LNX1: variants seen among roughly 807,000 people sequenced by gnomAD.
The protein encoded by LNX1 is ligand of numb-protein X 1, also known as E3 ubiquitin-protein ligase LNX.
A neutral mutation model predicts 68.4 loss-of-function variants in LNX1; 54 were observed. That is an observed-to-expected ratio of 0.79 (90% CI 0.63 to 0.99). LNX1 has a LOEUF of 0.99. LNX1 is among the 50% of genes least tolerant of loss of function. The pLI is 0.00. For missense variants in LNX1, 906 were observed against 926.4 expected (o/e 0.98, Z 0.29); for synonymous variants, 336 against 350.0 (o/e 0.96, Z 0.45).
chr4:53,507,589 T>C (rs917392967), intron 3 of LNX1, 120 bp from the exon 4 acceptor site: 7 of 1,131,898 alleles, frequency 6.2e-6, no homozygotes, highest in African/African-American at 1.6e-5. Flanking sequence ...GGTGGTAGGA[T>C]TGTAGAATTT....
At chr4:53,511,845 G>A (rs903618798) in intron 2 of LNX1, among the ~76,000 whole-genome samples, 19 of 152,152 alleles carry the variant, frequency 1.2e-4, no homozygotes, top group Non-Finnish European at 1.9e-4. Context: ...CGTGATCTGG[G>A]TTCCCATGAA....
intron 6 of LNX1, among the ~76,000 whole-genome samples, chr4:53,482,830 C>T (rs539556393): frequency 3.3e-5 from 5 of 152,266 alleles, no homozygotes; most frequent in Admixed American, 2.0e-4. Flanking sequence ...CCAAAAACCA[C>T]GTGTATTCCT....
At chr4:53,465,459 G>A (rs565340066) in intron 9 of LNX1, among the ~76,000 whole-genome samples, 13 of 152,188 alleles carry the variant, frequency 8.5e-5, no homozygotes, top group South Asian at 6.2e-4. Context: ...CTGACATCAC[G>A]GCAAAATTTT....
rs182653510 is a variant in LNX1 at position 53,465,114 on chromosome 4, A to C, written c.1893-3521T>G. ...CCTTTGATGTTATTGGCCATTGAAA[A>C]ACATCTTGCATTTTTTTCCTTGCAG... On this transcript the variant is annotated intron_variant, in intron 9 of 10. Transcript: ENST00000263925. Among the ~76,000 whole-genome samples, 3 of 152,280 alleles carry C rather than the reference A, an allele frequency of 2.0e-5. No homozygotes were observed. The East Asian group carries it at 5.8e-4, about 29-fold the overall frequency.
Position 53,459,377 on chromosome 4 carries a change from C to T in LNX1, c.*1530G>A. 3 of 1,598,330 alleles carry T rather than the reference C, an allele frequency of 1.9e-6. No homozygotes were observed. Among genetic ancestry groups the T allele is most frequent in the Non-Finnish European group, 2.6e-6 (3 of 1,176,244 alleles). On this transcript the variant is annotated 3_prime_UTR_variant, in exon 11 of 11. Transcript: ENST00000263925. ...ACAAACACAAAAAATCTAAAAGAAGCAAAGAAGGAAAAGAAGCGGGCAGTG... is the reference window on the plus strand; with the variant it reads ...ACAAACACAAAAAATCTAAAAGAAGTAAAGAAGGAAAAGAAGCGGGCAGTG...
chr4:53,569,756 C>G (rs1408903522), intron 2 of LNX1, among the ~76,000 whole-genome samples: 2 of 140,224 alleles, frequency 1.4e-5, no homozygotes, highest in Non-Finnish European at 3.1e-5. Context: ...ATTTTTGCAA[C>G]CTACTCATCT....
chr4:53,475,375 G>A lies in LNX1; in HGVS notation c.1892+1378C>T, dbSNP rs1261728387. ...CTAAAGGGTTTTAAACTGACTCAAC[G>A]CTCAGATTTTAACTGTTTAAGGACT... On this transcript the variant is annotated intron_variant, in intron 9 of 10. Coordinates refer to ENST00000263925, the MANE Select transcript of LNX1 (RefSeq NM_001126328.3). Among the ~76,000 whole-genome samples the A allele has an allele frequency of 3.3e-5, 5 of 152,110 alleles. No individual in the cohort carries two copies. In the South Asian group the frequency reaches 6.2e-4, roughly 19 times the overall value.
intron 1 of LNX1, chr4:53,576,035 C>T: frequency 1.9e-6 from 3 of 1,567,824 alleles, no homozygotes; most frequent in Non-Finnish European, 2.6e-6. Flanking sequence ...AAGCCCAACA[C>T]CTTCAGGGAC....
At chr4:53,492,648 C>T (rs1724780183) in intron 6 of LNX1, among the ~76,000 whole-genome samples, 2 of 152,020 alleles carry the variant, frequency 1.3e-5, no homozygotes, top group African/African-American at 4.8e-5. Context: ...AGCAAAGAGG[C>T]TCCAGCCGTC....
intron 1 of LNX1, among the ~76,000 whole-genome samples, chr4:53,587,977 C>T (rs1732279483): frequency 6.6e-6 from 1 of 152,202 alleles, no homozygotes. Flanking sequence ...TTTTTTTGCT[C>T]AGTCTTTGGC....
rs772611948 is a variant in LNX1 at position 53,508,046 on chromosome 4, C to T, written c.562G>A (p.Ala188Thr). 1 of 1,614,108 alleles carries T rather than the reference C, an allele frequency of 6.2e-7. No individual in the cohort carries two copies. ...CTGATTGCTGGCTGCCCGTCCTCTG[C>T]CGAGGACACGTAGGCAGGGTTGTCT... ...GLDNPAYVSSAEDGQPAISPV... is the reference protein window; with the variant it reads ...GLDNPAYVSSTEDGQPAISPV... Residue 188 changes from alanine (A) to threonine (T), a missense_variant, in exon 3 of 11, where the codon GCA (alanine) becomes ACA (threonine). By Grantham distance (58) the Ala-to-Thr change is moderately conservative (BLOSUM62 0). Transcript: ENST00000263925.
chr4:53,628,213 A>G (rs1237113294), intron 1 of LNX1, among the ~76,000 whole-genome samples: 2 of 152,202 alleles, frequency 1.3e-5, no homozygotes, highest in African/African-American at 2.4e-5. Context: ...CAGACAACCC[A>G]CAGAATAGGA....
At chr4:53,623,676 G>A (rs112215225) in intron 1 of LNX1, among the ~76,000 whole-genome samples, 2 of 149,968 alleles carry the variant, frequency 1.3e-5, no homozygotes, top group African/African-American at 4.9e-5. Context: ...ATATGGCTAT[G>A]TTTTATTTTT....
intron 2 of LNX1, among the ~76,000 whole-genome samples, chr4:53,599,660 G>A (rs1577780724): frequency 6.6e-6 from 1 of 152,110 alleles, no homozygotes; most frequent in South Asian, 2.1e-4. Context: ...AGTGCCAGTT[G>A]ACTATAGAGC....
intron 2 of LNX1, among the ~76,000 whole-genome samples, chr4:53,601,472 C>T (rs1247806091): frequency 1.1e-4 from 16 of 152,206 alleles, no homozygotes; most frequent in East Asian, 1.9e-4. Flanking sequence ...TGTCTTGCCA[C>T]GATGGCCAGT....
At chr4:53,491,412 C>T (rs1724668763) in intron 6 of LNX1, among the ~76,000 whole-genome samples, 1 of 152,178 alleles carries the variant, frequency 6.6e-6, no homozygotes, top group Non-Finnish European at 1.5e-5. Context: ...TGCCACCTGC[C>T]TAATGCTGAC....
chr4:53,478,655 C>A lies in LNX1; in HGVS notation c.1573G>T (p.Gly525Ter). ...AAATCCCATTCTCTATGTGATGCTCCCCCTGCGACGGTCATGCCGAGAGAT... is the reference window on the plus strand; with the variant it reads ...AAATCCCATTCTCTATGTGATGCTCACCCTGCGACGGTCATGCCGAGAGAT... ...GESLGMTVAG[G>*]ASHREWDLPI... is the part of the protein sequence containing the mutation. The change falls in exon 8 of 11, where the codon GGA becomes TGA. Residue 525 changes from glycine to a stop codon, truncating the protein, a stop_gained. Transcript: ENST00000263925. LOFTEE classifies it high-confidence loss of function. The A allele has an allele frequency of 6.2e-7, 1 of 1,614,048 alleles. No homozygotes were observed.
intron 2 of LNX1, among the ~76,000 whole-genome samples, chr4:53,537,416 G>A (rs1185166094): frequency 6.6e-6 from 1 of 152,156 alleles, no homozygotes; most frequent in Non-Finnish European, 1.5e-5. Flanking sequence ...GGATGGAGAA[G>A]GGAGGAAGGC....
chr4:53,569,968 T>C (rs1171554569), intron 2 of LNX1, among the ~76,000 whole-genome samples: 6 of 152,072 alleles, frequency 3.9e-5, no homozygotes, highest in Admixed American at 1.3e-4. Flanking sequence ...AATGAGATAC[T>C]ATCTCACACC....
Sources: gnomAD v4.1 joint callset for allele counts (sites outside exome capture counted in the v4.1 genomes callset) on GRCh38, gnomAD v4.1.1 for gene constraint, MANE v1.5 for transcripts, NCBI Gene and HGNC (gene_info 2026-07-23, HGNC 2026-07-21) for gene names.